LPIN1: variants seen among roughly 807,000 people sequenced by gnomAD.
The protein encoded by LPIN1 is phosphatidate phosphatase LPIN1.
LPIN1 carries 71 observed loss-of-function variants against 107.5 expected under a neutral mutation model. The observed-to-expected ratio is 0.66, with a 90% CI of 0.55 to 0.80. The LOEUF is 0.80. Ranked by LOEUF, LPIN1 falls within the 30% of genes least tolerant of loss-of-function variation. The pLI, the probability that LPIN1 is intolerant of heterozygous loss-of-function variation, is 0.00. For missense variants in LPIN1, 1,043 were observed against 1,160.6 expected (o/e 0.90, Z 1.47); for synonymous variants, 445 against 452.6 (o/e 0.98, Z 0.21).
chr2:11,731,390 C>A (rs1168070161), intron 1 of LPIN1, among the ~76,000 whole-genome samples: 1 of 152,182 alleles, frequency 6.6e-6, no homozygotes, highest in African/African-American at 2.4e-5. Flanking sequence ...CATGTCCCTG[C>A]AAAGGACATG....
At chr2:11,731,024 C>T (rs1209516154) in intron 1 of LPIN1, among the ~76,000 whole-genome samples, 2 of 152,182 alleles carry the variant, frequency 1.3e-5, no homozygotes, top group Non-Finnish European at 2.9e-5. Flanking sequence ...GGCTGACTTC[C>T]TCAGTGTTTT....
chr2:11,678,178 T>A (rs550074289), intron 1 of LPIN1, among the ~76,000 whole-genome samples: 1 of 152,334 alleles, frequency 6.6e-6, no homozygotes, highest in South Asian at 2.1e-4. Context: ...TCCAATAACA[T>A]GCTGTGTGTG....
intron 1 of LPIN1, among the ~76,000 whole-genome samples, chr2:11,747,285 G>C (rs1056649513): frequency 2.6e-5 from 4 of 152,214 alleles, no homozygotes; most frequent in Admixed American, 2.6e-4. Context: ...TGCAGCCTAG[G>C]AGGTGCTAGG....
chr2:11,739,281 C>G (rs1666102992), intron 1 of LPIN1, among the ~76,000 whole-genome samples: 1 of 152,210 alleles, frequency 6.6e-6, no homozygotes, highest in African/African-American at 2.4e-5. Context: ...TGGCCCCAGT[C>G]AGAGGGCTCC....
intron 1 of LPIN1, among the ~76,000 whole-genome samples, chr2:11,756,231 C>T (rs114927417): frequency 3.9e-5 from 6 of 152,212 alleles, no homozygotes; most frequent in Non-Finnish European, 7.4e-5. Context: ...TGTTATGTCC[C>T]AGATAACGTG....
chr2:11,749,528 T>TG (rs1042213374), intron 1 of LPIN1, among the ~76,000 whole-genome samples: 1 of 152,086 alleles, frequency 6.6e-6, no homozygotes, highest in Non-Finnish European at 1.5e-5. Flanking sequence ...CAGCTGGGGT[T>TG]GGGGTGGGGT....
At chr2:11,695,562 T>C (rs963574848) in intron 1 of LPIN1, among the ~76,000 whole-genome samples, 1 of 152,122 alleles carries the variant, frequency 6.6e-6, no homozygotes, top group African/African-American at 2.4e-5. Flanking sequence ...GAGGAGCAGA[T>C]TGGTTAACTT....
chr2:11,782,262 A>C lies in LPIN1; in HGVS notation c.1019A>C (p.Lys340Thr), dbSNP rs1264964683. ...TTGAGCAGTAGAAAAATTTGTGATA[A>C]AAGTCACTTTCAGGCCATTCACAGC... The part of the protein sequence containing the change: ...SPLSSRKICD[K>T]SHFQAIHSES... Residue 340 changes from lysine to threonine, a missense_variant, in exon 8 of 21, where the codon AAA (lysine) becomes ACA (threonine). Coordinates refer to ENST00000674199, the MANE Select transcript of LPIN1 (RefSeq NM_001349206.2). 6 of 1,614,106 alleles carry C rather than the reference A, an allele frequency of 3.7e-6. No homozygotes were observed. In the Admixed American group the frequency reaches 6.7e-5, roughly 18 times the overall value.
chr2:11,679,018 C>A (rs904026978), intron 1 of LPIN1, among the ~76,000 whole-genome samples: 1 of 152,202 alleles, frequency 6.6e-6, no homozygotes, highest in African/African-American at 2.4e-5. Flanking sequence ...TAAGTTTGCC[C>A]GGTGCTGACT....
chr2:11,825,821 A>G lies in LPIN1; in HGVS notation c.*1030A>G, dbSNP rs1259851361. The stretch of plus-strand genomic sequence containing the variant: ...GTTTTACTCTGATTAGGTTACTGTG[A>G]TAGGCATTTATTCATATTCTTTCTA... On this transcript the variant is annotated 3_prime_UTR_variant, in exon 21 of 21. Coordinates refer to ENST00000674199, the MANE Select transcript of LPIN1 (RefSeq NM_001349206.2). This position sits in a 1 kb window ranked among gnomAD's most constrained non-coding sequence, Gnocchi z 4.1. 1 of 152,252 alleles carries G rather than the reference A, an allele frequency of 6.6e-6. No homozygotes were observed. The highest frequency in any genetic ancestry group is 1.5e-5 in the Non-Finnish European group (1 of 68,046). The allele number at this position is 152,252 out of a possible 1,614,324, so 9.4% of individuals were successfully genotyped here.
At chr2:11,775,536 C>T (rs751714727) in intron 5 of LPIN1, among the ~76,000 whole-genome samples, 16 of 152,132 alleles carry the variant, frequency 1.1e-4, no homozygotes, top group Non-Finnish European at 2.2e-4. Context: ...GCTACATTTC[C>T]ACATTTGGAA....
intron 1 of LPIN1, among the ~76,000 whole-genome samples, chr2:11,738,679 G>A (rs548032314): frequency 3.0e-4 from 45 of 152,344 alleles, no homozygotes; most frequent in Non-Finnish European, 4.6e-4. Context: ...AGTGCCAGGA[G>A]AGGGAGCCCA....
At chr2:11,745,921 T>C (rs1423841299), upstream of LPIN1, 2 of 152,264 alleles carry the variant, frequency 1.3e-5, no homozygotes, top group African/African-American at 4.8e-5. Context: ...TCAGTTCAAA[T>C]ATGACACCCT....
intron 12 of LPIN1, among the ~76,000 whole-genome samples, chr2:11,791,470 C>A (rs576816883): frequency 1.3e-5 from 2 of 152,172 alleles, no homozygotes; most frequent in South Asian, 4.1e-4. Flanking sequence ...TAGTAAAAAT[C>A]TTATGCATTT....
At chr2:11,706,449 G>A (rs1347360610) in intron 1 of LPIN1, among the ~76,000 whole-genome samples, 1 of 152,202 alleles carries the variant, frequency 6.6e-6, no homozygotes, top group Middle Eastern at 3.2e-3. Flanking sequence ...TTAAAATAGG[G>A]AGATTATCCT....
chr2:11,716,300 G>C (rs1235949407), intron 2 of LPIN1, among the ~76,000 whole-genome samples: 5 of 152,126 alleles, frequency 3.3e-5, no homozygotes, highest in Non-Finnish European at 5.9e-5. Flanking sequence ...GCAGAAGGTA[G>C]GTTCCTAAAT....
At chr2:11,807,512 AT>A (rs557625077) in intron 17 of LPIN1, among the ~76,000 whole-genome samples, 545 of 140,472 alleles carry the variant, frequency 3.9e-3, no homozygotes, top group Middle Eastern at 7.2e-3. Context: ...TTGCTTTTTA[AT>A]TTTTTTTTTT....
intron 1 of LPIN1, among the ~76,000 whole-genome samples, chr2:11,708,175 A>C (rs1431585272): frequency 6.6e-6 from 1 of 152,160 alleles, no homozygotes; most frequent in Non-Finnish European, 1.5e-5. Flanking sequence ...GGGAATGGGC[A>C]TTACCCTTCA....
At chr2:11,793,857 T>G (rs778924850) in intron 13 of LPIN1, among the ~76,000 whole-genome samples, 1 of 152,332 alleles carries the variant, frequency 6.6e-6, no homozygotes, top group East Asian at 1.9e-4. Flanking sequence ...GCAGAGACCA[T>G]ATATGGCTTT....
Sources: gnomAD v4.1 joint callset for allele counts (sites outside exome capture counted in the v4.1 genomes callset) on GRCh38, gnomAD v4.1.1 for gene constraint, Gnocchi (gnomAD v3.1) non-coding constraint, MANE v1.5 for transcripts, NCBI Gene and HGNC (gene_info 2026-07-23, HGNC 2026-07-21) for gene names.